Variants in KCND3 observed in about 807,000 individuals in gnomAD.
The protein encoded by KCND3 is potassium voltage-gated channel subfamily D member 3.
A neutral mutation model predicts 51.1 loss-of-function variants in KCND3; 9 were observed. The ratio of observed to expected loss-of-function variants is 0.18; its 90% CI spans 0.11 to 0.31. The LOEUF is 0.31. Among genes scored for constraint, KCND3 ranks in the 10% least tolerant of loss-of-function variants. KCND3 has a pLI of 1.00. For missense variants in KCND3, 526 were observed against 903.8 expected, an observed-to-expected ratio of 0.58 and a Z score of 5.36; for synonymous variants, 349 against 368.0, an observed-to-expected ratio of 0.95 and a Z score of 0.59.
chr1:111,878,180 C>T (rs1229079640), intron 2 of KCND3, among the ~76,000 whole-genome samples: 1 of 152,230 alleles, frequency 6.6e-6, no homozygotes, highest in Admixed American at 6.5e-5. Flanking sequence ...CTTATTTCCT[C>T]TGGCTTGATG....
At chr1:111,832,655 G>A (rs533191785) in intron 2 of KCND3, among the ~76,000 whole-genome samples, 2 of 152,104 alleles carry the variant, frequency 1.3e-5, no homozygotes, top group Admixed American at 6.5e-5. Flanking sequence ...ACTCAGTTTC[G>A]ATTCAGACAG....
intron 2 of KCND3, among the ~76,000 whole-genome samples, chr1:111,900,711 T>A (rs1418074176): frequency 6.6e-6 from 1 of 151,492 alleles, no homozygotes; most frequent in Non-Finnish European, 1.5e-5. Flanking sequence ...TAATCCAGCA[T>A]TTTGGGAGGC....
intron 2 of KCND3, among the ~76,000 whole-genome samples, chr1:111,874,781 C>T (rs745642838): frequency 6.6e-6 from 1 of 152,158 alleles, no homozygotes; most frequent in Non-Finnish European, 1.5e-5. Flanking sequence ...ACACAGCTCT[C>T]AGCCTGGCAC....
intron 2 of KCND3, among the ~76,000 whole-genome samples, chr1:111,906,727 T>C (rs1670664944): frequency 6.6e-6 from 1 of 152,154 alleles, no homozygotes; most frequent in South Asian, 2.1e-4. Context: ...GTGCTGATCA[T>C]TCATTCTTTC....
intron 2 of KCND3, among the ~76,000 whole-genome samples, chr1:111,843,485 CT>C (rs1312107299): frequency 1.3e-5 from 2 of 152,212 alleles, no homozygotes; most frequent in Non-Finnish European, 2.9e-5. Flanking sequence ...AAAACAAAGC[CT>C]GACTGTTTCT....
chr1:111,892,752 A>C (rs1293685846), intron 2 of KCND3, among the ~76,000 whole-genome samples: 2 of 152,242 alleles, frequency 1.3e-5, no homozygotes, highest in African/African-American at 4.8e-5. Context: ...TAATTGATTG[A>C]TTAATTAATT....
At chr1:111,882,317 C>G (rs891770481) in intron 2 of KCND3, among the ~76,000 whole-genome samples, 1 of 152,202 alleles carries the variant, frequency 6.6e-6, no homozygotes, top group Admixed American at 6.5e-5. Flanking sequence ...CAAATATGCT[C>G]GAGTGGGGCA....
intron 2 of KCND3, among the ~76,000 whole-genome samples, chr1:111,900,774 T>G (rs1156822587): frequency 6.6e-6 from 1 of 152,024 alleles, no homozygotes; most frequent in Admixed American, 6.6e-5. Context: ...CTGGCCAACA[T>G]GGTGAAACCC....
intron 2 of KCND3, among the ~76,000 whole-genome samples, chr1:111,908,575 C>T (rs1670761406): frequency 6.6e-6 from 1 of 152,104 alleles, no homozygotes; most frequent in South Asian, 2.1e-4. Flanking sequence ...ACTGGAGTCC[C>T]CAGTCTGTCA....
rs34151345 is a variant in KCND3, at chr1:111,908,951, CT to C, written c.1106+72669del. Among the ~76,000 whole-genome samples the C allele has an allele frequency of 7.5e-3, 985 of 131,244 alleles. 10 individuals are homozygous for C. Among genetic ancestry groups the C allele is most frequent in the African/African-American group, 0.018 (629 of 34,618 alleles). The allele number at this position is 131,244 out of a possible 152,430, so 86.1% of individuals were successfully genotyped here. A position where few individuals can be genotyped will look rare whatever the true frequency, so the allele number is the denominator to read the frequency against. On this transcript the variant is annotated intron_variant, in intron 2 of 7. Transcript: ENST00000302127. The stretch of plus-strand genomic sequence containing the variant: ...TGAGTCCAAAACTCTGGTCTCATGC[CT>C]TTTTTTTTTTTTTTTAAAGACTGTG...
At chr1:111,862,950 G>A (rs1443951226) in intron 2 of KCND3, among the ~76,000 whole-genome samples, 3 of 152,224 alleles carry the variant, frequency 2.0e-5, no homozygotes, top group African/African-American at 4.8e-5. Flanking sequence ...ATACGTGACC[G>A]TTCCCATCTA....
At chr1:111,792,900 ATATAT>A (rs969736744) in intron 2 of KCND3, among the ~76,000 whole-genome samples, 3 of 148,272 alleles carry the variant, frequency 2.0e-5, no homozygotes, top group Non-Finnish European at 4.5e-5. Flanking sequence ...ATAAAATTAT[ATATAT>A]TATAATTATA....
At chr1:111,838,232 C>G (rs1046667339) in intron 2 of KCND3, among the ~76,000 whole-genome samples, 1 of 152,184 alleles carries the variant, frequency 6.6e-6, no homozygotes, top group East Asian at 1.9e-4. Context: ...TTCTAGATGT[C>G]TCTACACTTT....
intron 1 of KCND3, among the ~76,000 whole-genome samples, 118 bp downstream of exon 1, chr1:111,989,387 G>A (rs1675507187): frequency 6.6e-6 from 1 of 152,002 alleles, no homozygotes; most frequent in African/African-American, 2.4e-5. Flanking sequence ...GCGCCCCAGC[G>A]CCCACCCACC....
intron 2 of KCND3, among the ~76,000 whole-genome samples, chr1:111,815,102 A>C (rs1338055940): frequency 6.6e-6 from 1 of 152,190 alleles, no homozygotes; most frequent in Admixed American, 6.5e-5. Context: ...GCCCAGGGAA[A>C]CAAGGTGGTC....
chr1:111,832,181 T>C (rs1666863106), intron 2 of KCND3, among the ~76,000 whole-genome samples: 1 of 152,190 alleles, frequency 6.6e-6, no homozygotes, highest in African/African-American at 2.4e-5. Flanking sequence ...GTCTACACCT[T>C]CCCAGGCTAA....
At chr1:111,909,607 T>C (rs1251055465) in intron 2 of KCND3, 1 of 152,174 alleles carries the variant, frequency 6.6e-6, no homozygotes, top group Admixed American at 6.5e-5. Flanking sequence ...CCAAAGATTA[T>C]AGAACCTAGT....
intron 2 of KCND3, among the ~76,000 whole-genome samples, chr1:111,800,884 C>G (rs1665278648): frequency 1.3e-5 from 2 of 152,234 alleles, no homozygotes; most frequent in African/African-American, 4.8e-5. Flanking sequence ...CTTGGCCTTG[C>G]TCAGTCCATT....
intron 2 of KCND3, among the ~76,000 whole-genome samples, chr1:111,866,271 T>C (rs1053168175): frequency 2.0e-5 from 3 of 147,988 alleles, no homozygotes; most frequent in African/African-American, 7.5e-5. Context: ...TTCTTTTTTT[T>C]TTTTTTTTTG....
Sources: allele counts gnomAD v4.1 joint callset (sites outside exome capture counted in the v4.1 genomes callset), GRCh38; gene constraint gnomAD v4.1.1; transcripts MANE v1.5; gene names NCBI Gene and HGNC (gene_info 2026-07-23, HGNC 2026-07-21).